The following TMEM135 variants were observed in gnomAD, a reference collection of about 807,000 sequenced individuals.
The protein encoded by TMEM135 is peroxisomal membrane protein 52.
In TMEM135, 30 loss-of-function variants were observed where a neutral mutation model predicts 60.3. The ratio of observed to expected loss-of-function variants is 0.50; its 90% CI spans 0.37 to 0.68. TMEM135 has a LOEUF of 0.68. Ranked by LOEUF, TMEM135 falls within the 30% of genes least tolerant of loss-of-function variation. The probability of loss-of-function intolerance (pLI) is 0.00; values close to 1 mark genes in which losing one functional copy is unlikely to be tolerated. For synonymous variants in TMEM135, 190 were observed against 186.7 expected (o/e 1.02, Z -0.14); for missense variants, 468 against 548.8 (o/e 0.85, Z 1.47).
Position 87,314,532 on chromosome 11 carries a change from G to T in TMEM135, c.1062G>T (p.Ala354=). Residue 354 remains alanine, a synonymous_variant, in exon 12 of 15, where the codon GCG becomes GCT. Transcript: ENST00000305494. ...GCACAACAATTTCCATGTATTTAGC[G>T]TCCAAATTGGTAGAGGTAAGCGAAA... ...YKSTTISMYL[A]SKLVETMYFK... 3 of 1,610,494 alleles carry T rather than the reference G, an allele frequency of 1.9e-6. No individual in the cohort carries two copies. Among genetic ancestry groups the T allele is most frequent in the Non-Finnish European group, 2.5e-6 (3 of 1,177,574 alleles).
chr11:87,231,749 A>T (rs1025153061), intron 5 of TMEM135, among the ~76,000 whole-genome samples: 2 of 152,142 alleles, frequency 1.3e-5, no homozygotes, highest in East Asian at 3.8e-4. Context: ...TCATAACTGA[A>T]TTTTATAGTT....
At chr11:87,176,822 T>C (rs957166992) in intron 5 of TMEM135, among the ~76,000 whole-genome samples, 1 of 152,076 alleles carries the variant, frequency 6.6e-6, no homozygotes, top group African/African-American at 2.4e-5. Flanking sequence ...TACACATGTA[T>C]ACCTCTTTTT....
intron 4 of TMEM135, among the ~76,000 whole-genome samples, chr11:87,133,168 A>G (rs1937985343): frequency 6.6e-6 from 1 of 152,188 alleles, no homozygotes; most frequent in Admixed American, 6.5e-5. Flanking sequence ...AAAACTGATG[A>G]ATTATTTATT....
rs148643967 is a variant in TMEM135, at chr11:87,289,037, T to G, written c.510-6745T>G. 6.9e-3 allele frequency among the ~76,000 whole-genome samples: 1,047 copies of G among 152,322 alleles called. 20 individuals are homozygous for G. The highest frequency in any genetic ancestry group is 0.024 in the African/African-American group (1,003 of 41,576). On this transcript the variant is annotated intron_variant, in intron 6 of 14. Coordinates refer to ENST00000305494, the MANE Select transcript of TMEM135 (RefSeq NM_022918.4). ...TTTAGATGCTTATATTTTTCTTATG[T>G]AAAAATTGACACATTAACTTTATTG...
At chr11:87,207,286 C>T (rs1940256340) in intron 5 of TMEM135, among the ~76,000 whole-genome samples, 1 of 152,038 alleles carries the variant, frequency 6.6e-6, no homozygotes, top group Admixed American at 6.6e-5. Flanking sequence ...ACAAAGTTTT[C>T]CTAGGAGTGG....
At chr11:87,117,963 A>C (rs768664636) in intron 4 of TMEM135, among the ~76,000 whole-genome samples, 1 of 152,222 alleles carries the variant, frequency 6.6e-6, no homozygotes, top group Non-Finnish European at 1.5e-5. Context: ...CTACTCCTTG[A>C]TCCATGGGCT....
At chr11:87,099,234 A>T (rs980267066) in intron 4 of TMEM135, among the ~76,000 whole-genome samples, 4 of 152,174 alleles carry the variant, frequency 2.6e-5, no homozygotes, top group Admixed American at 2.6e-4. Context: ...TGTCTGCTTT[A>T]GATTGTGAAT....
intron 5 of TMEM135, among the ~76,000 whole-genome samples, chr11:87,188,828 T>C (rs1939717665): frequency 6.6e-6 from 1 of 152,186 alleles, no homozygotes; most frequent in Admixed American, 6.5e-5. Flanking sequence ...ATTCTTGCCT[T>C]CTGGATTAAC....
chr11:87,128,279 A>G (rs1295054324), intron 4 of TMEM135, among the ~76,000 whole-genome samples: 1 of 152,180 alleles, frequency 6.6e-6, no homozygotes, highest in African/African-American at 2.4e-5. Flanking sequence ...GTATGATTGT[A>G]TGCATTTGCG....
At chr11:87,197,618 T>A (rs1443083795) in intron 5 of TMEM135, among the ~76,000 whole-genome samples, 2 of 151,754 alleles carry the variant, frequency 1.3e-5, no homozygotes, top group African/African-American at 4.8e-5. Context: ...ATTGTCATGG[T>A]TTACTTATGG....
chr11:87,202,337 A>G (rs931300419), intron 5 of TMEM135, among the ~76,000 whole-genome samples: 1 of 151,866 alleles, frequency 6.6e-6, no homozygotes, highest in Non-Finnish European at 1.5e-5. Context: ...GTTTTATTTT[A>G]TTTTTTGAGA....
At chr11:87,191,657 C>T (rs74939910) in intron 5 of TMEM135, among the ~76,000 whole-genome samples, 13,603 of 152,126 alleles carry the variant, frequency 0.089, 669 homozygotes, top group African/African-American at 0.12. Context: ...CCACGATGAT[C>T]ATCATATATG....
At chr11:87,101,860 C>A (rs747397242) in intron 4 of TMEM135, among the ~76,000 whole-genome samples, 3 of 152,134 alleles carry the variant, frequency 2.0e-5, no homozygotes, top group Non-Finnish European at 4.4e-5. Flanking sequence ...GTAATCCCAG[C>A]TACTCGGGAG....
chr11:87,280,901 G>A (rs1321037818), intron 6 of TMEM135, among the ~76,000 whole-genome samples: 5 of 152,218 alleles, frequency 3.3e-5, no homozygotes, highest in East Asian at 1.9e-4. Context: ...TCCTGGTAGC[G>A]TGATGAACAT....
intron 5 of TMEM135, among the ~76,000 whole-genome samples, chr11:87,166,087 G>A (rs559714802): frequency 2.4e-4 from 37 of 151,638 alleles, no homozygotes; most frequent in Non-Finnish European, 4.3e-4. Flanking sequence ...CTGAAATTGT[G>A]GCAATAATCA....
intron 2 of TMEM135, among the ~76,000 whole-genome samples, chr11:87,069,284 C>CA (rs778885228): frequency 0.043 from 2,649 of 62,106 alleles, 139 homozygotes; most frequent in African/African-American, 0.047. Flanking sequence ...GACTCCGTCT[C>CA]AAAAAAAAAA....
chr11:87,121,458 T>C (rs1340100480), intron 4 of TMEM135: 1 of 151,926 alleles, frequency 6.6e-6, no homozygotes, highest in Non-Finnish European at 1.5e-5. Context: ...TAGGAGAAGC[T>C]TCTGGAATAT....
At chr11:87,084,070 T>G (rs775318664) in intron 3 of TMEM135, among the ~76,000 whole-genome samples, 12 of 152,254 alleles carry the variant, frequency 7.9e-5, no homozygotes, top group East Asian at 7.7e-4. Flanking sequence ...ATATGTAGTA[T>G]TATTCAAAAC....
chr11:87,131,280 A>G (rs1339194094), intron 4 of TMEM135, among the ~76,000 whole-genome samples: 1 of 152,168 alleles, frequency 6.6e-6, no homozygotes, highest in Non-Finnish European at 1.5e-5. Flanking sequence ...GGTTTGGACA[A>G]ATACATAATG....
Sources: gnomAD v4.1 joint callset for allele counts (sites outside exome capture counted in the v4.1 genomes callset) on GRCh38, gnomAD v4.1.1 for gene constraint, MANE v1.5 for transcripts, NCBI Gene and HGNC (gene_info 2026-07-23, HGNC 2026-07-21) for gene names.